HCRTR2: variants seen among roughly 807,000 people sequenced by gnomAD.
HCRTR2 encodes orexin receptor type 2.
HCRTR2 carries 22 observed loss-of-function variants against 49.0 expected under a neutral mutation model. The ratio of observed to expected loss-of-function variants is 0.45; its 90% CI spans 0.32 to 0.64. The LOEUF is 0.64. Ranked by LOEUF, HCRTR2 falls within the 30% of genes least tolerant of loss-of-function variation. HCRTR2 has a pLI of 0.04. For synonymous variants in HCRTR2, 236 were observed against 205.3 expected (o/e 1.15, Z -1.28); for missense variants, 491 against 559.4 (o/e 0.88, Z 1.23).
intron 5 of HCRTR2, 102 bp downstream of exon 5, chr6:55,277,702 T>G (rs1394953355): frequency 1.1e-6 from 1 of 883,334 alleles, no homozygotes; most frequent in Admixed American, 2.1e-5. Flanking sequence ...AATCTAAACT[T>G]TCTGCTTAGA....
intron 1 of HCRTR2, among the ~76,000 whole-genome samples, chr6:55,214,428 G>A (rs1765752552): frequency 6.6e-6 from 1 of 152,228 alleles, no homozygotes; most frequent in African/African-American, 2.4e-5. Flanking sequence ...AACTCCAAGG[G>A]TCAAGTGATC....
chr6:55,160,785 C>T (rs1229584104), intron 1 of HCRTR2, among the ~76,000 whole-genome samples: 2 of 152,144 alleles, frequency 1.3e-5, no homozygotes, highest in African/African-American at 4.8e-5. Context: ...GAACAGCTAG[C>T]TATCCTAAAT....
At chr6:55,162,358 A>G (rs1352743007) in intron 1 of HCRTR2, among the ~76,000 whole-genome samples, 2 of 152,236 alleles carry the variant, frequency 1.3e-5, no homozygotes, top group Admixed American at 1.3e-4. Context: ...AGAGCTATTT[A>G]TGACAAACCC....
chr6:55,166,275 C>T (rs1197072645), intron 1 of HCRTR2, among the ~76,000 whole-genome samples: 1 of 151,894 alleles, frequency 6.6e-6, no homozygotes, highest in Non-Finnish European at 1.5e-5. Flanking sequence ...GGATATTGGC[C>T]TGTAGTTTTC....
intron 1 of HCRTR2, among the ~76,000 whole-genome samples, chr6:55,201,338 G>C (rs1182144669): frequency 2.0e-5 from 3 of 152,022 alleles, no homozygotes; most frequent in Admixed American, 1.3e-4. Flanking sequence ...GACCTTTGCT[G>C]TTCTCTTTTC....
At chr6:55,229,845 T>C (rs1336497581) in intron 1 of HCRTR2, among the ~76,000 whole-genome samples, 1 of 152,202 alleles carries the variant, frequency 6.6e-6, no homozygotes, top group African/African-American at 2.4e-5. Flanking sequence ...AATGATGCAG[T>C]ATTATGCACT....
chr6:55,278,558 T>C (rs555106638), intron 5 of HCRTR2, among the ~76,000 whole-genome samples: 2 of 152,046 alleles, frequency 1.3e-5, no homozygotes, highest in African/African-American at 2.4e-5. Flanking sequence ...GCTTTTTCAA[T>C]GGAGAAGAAA....
chr6:55,112,296 C>A, intron 1 of HCRTR2, among the ~76,000 whole-genome samples: 1 of 151,720 alleles, frequency 6.6e-6, no homozygotes, highest in Non-Finnish European at 1.5e-5. Context: ...TTAGCCGGAG[C>A]AATTAGACAA....
chr6:55,266,951 C>T (rs1208903250), intron 4 of HCRTR2, among the ~76,000 whole-genome samples: 1 of 152,160 alleles, frequency 6.6e-6, no homozygotes, highest in Non-Finnish European at 1.5e-5. Context: ...GAATTATCCT[C>T]ATTAGTACAA....
intron 1 of HCRTR2, among the ~76,000 whole-genome samples, chr6:55,208,283 T>C (rs1179880783): frequency 6.7e-6 from 1 of 148,514 alleles, no homozygotes; most frequent in Non-Finnish European, 1.5e-5. Flanking sequence ...CAGACCAGCC[T>C]GGCCCAACAC....
At chr6:55,112,564 A>C (rs2127611094) in intron 1 of HCRTR2, among the ~76,000 whole-genome samples, 1 of 151,728 alleles carries the variant, frequency 6.6e-6, no homozygotes, top group African/African-American at 2.4e-5. Context: ...AAAAAAAAAA[A>C]AACCTTAGGA....
chr6:55,129,523 C>A lies in HCRTR2; in HGVS notation c.-378+22978C>A, dbSNP rs576424363. Among the ~76,000 whole-genome samples, 32 of 152,160 alleles carry A rather than the reference C, an allele frequency of 2.1e-4. No individual in the cohort carries two copies. The East Asian group carries it at 6.2e-3, about 29-fold the overall frequency. Reference sequence around the variant, plus strand: ...AGTGATGGAACATTGCCAAAAATGGCAGTATTAGTCATAAAAACTAGAAAT... The same window carrying A: ...AGTGATGGAACATTGCCAAAAATGGAAGTATTAGTCATAAAAACTAGAAAT... On this transcript the variant is annotated intron_variant, in intron 1 of 7. Transcript: ENST00000615358.
At chr6:55,222,395 T>A (rs1765916302) in intron 1 of HCRTR2, among the ~76,000 whole-genome samples, 1 of 151,660 alleles carries the variant, frequency 6.6e-6, no homozygotes. Context: ...CTCAAAAAAA[T>A]TAAAAATAAA....
chr6:55,221,912 G>A (rs561404501), intron 1 of HCRTR2, among the ~76,000 whole-genome samples: 8 of 151,380 alleles, frequency 5.3e-5, no homozygotes, highest in South Asian at 2.1e-4. Context: ...TCTTGTATAC[G>A]ACACCAAAGA....
chr6:55,224,886 A>G (rs1416139323), intron 1 of HCRTR2, among the ~76,000 whole-genome samples: 5 of 152,174 alleles, frequency 3.3e-5, no homozygotes, highest in Admixed American at 3.3e-4. Flanking sequence ...GAAACGGTCA[A>G]AGAATAAAAA....
intron 3 of HCRTR2, among the ~76,000 whole-genome samples, chr6:55,257,813 T>A (rs963036188): frequency 1.3e-5 from 2 of 151,888 alleles, no homozygotes; most frequent in African/African-American, 2.4e-5. Context: ...GGTGATTTTA[T>A]AATAGCCTAT....
At chr6:55,174,315 G>C, upstream of HCRTR2, 1 of 500,220 alleles carries the variant, frequency 2.0e-6, no homozygotes. Context: ...TTCTCCTCCT[G>C]GTGTCATTGC....
intron 4 of HCRTR2, among the ~76,000 whole-genome samples, chr6:55,265,448 C>G (rs1051774484): frequency 4.6e-5 from 7 of 152,092 alleles, no homozygotes; most frequent in African/African-American, 1.4e-4. Flanking sequence ...CATTCCAGAA[C>G]CTAGTCTGAA....
intron 1 of HCRTR2, among the ~76,000 whole-genome samples, chr6:55,131,499 T>C (rs1764354350): frequency 6.6e-6 from 1 of 151,808 alleles, no homozygotes; most frequent in Non-Finnish European, 1.5e-5. Context: ...TGCAATTACT[T>C]ATGTGGTTTT....
Sources: allele counts gnomAD v4.1 joint callset (sites outside exome capture counted in the v4.1 genomes callset), GRCh38; gene constraint gnomAD v4.1.1; transcripts MANE v1.5; gene names NCBI Gene and HGNC (gene_info 2026-07-23, HGNC 2026-07-21).